The following ZFHX3 variants were observed in gnomAD, a reference collection of about 807,000 sequenced individuals.
ZFHX3 encodes the protein zinc finger homeobox protein 3.
Under a neutral mutation model 279.1 loss-of-function variants are expected in ZFHX3, and 42 were observed. The observed-to-expected ratio is 0.15, with a 90% CI of 0.12 to 0.19. The LOEUF (loss-of-function observed/expected upper bound fraction) is 0.19. Among genes scored for constraint, ZFHX3 ranks in the 10% least tolerant of loss-of-function variants. The probability of loss-of-function intolerance (pLI) is 1.00; values close to 1 mark genes in which losing one functional copy is unlikely to be tolerated. For synonymous variants in ZFHX3, 2,293 were observed against 1,957.8 expected, an observed-to-expected ratio of 1.17 and a Z score of -4.52; for missense variants, 4,981 against 4,754.0, an observed-to-expected ratio of 1.05 and a Z score of -1.40.
intron 2 of ZFHX3, among the ~76,000 whole-genome samples, chr16:73,479,035 G>C (rs2018818634): frequency 6.6e-6 from 1 of 152,120 alleles, no homozygotes; most frequent in African/African-American, 2.4e-5. Flanking sequence ...CTGGGCAAGA[G>C]AGCAAGACTC....
intron 2 of ZFHX3, among the ~76,000 whole-genome samples, chr16:73,514,907 T>C (rs2019493880): frequency 6.6e-6 from 1 of 152,190 alleles, no homozygotes; most frequent in Non-Finnish European, 1.5e-5. Context: ...CTCCCATCTT[T>C]TCCTCTCTCT....
intron 1 of ZFHX3, among the ~76,000 whole-genome samples, chr16:73,697,077 T>C (rs1370917038): frequency 6.6e-6 from 1 of 152,130 alleles, no homozygotes; most frequent in East Asian, 1.9e-4. Context: ...GTTGGAGAAA[T>C]TATAGAAATG....
chr16:73,198,267 C>G (rs536411256), intron 5 of ZFHX3, among the ~76,000 whole-genome samples: 4 of 151,344 alleles, frequency 2.6e-5, no homozygotes, highest in Non-Finnish European at 5.9e-5. Context: ...ATCATGTCAC[C>G]GTTATCACAA....
At chr16:73,684,695 C>CT (rs201167110) in intron 1 of ZFHX3, among the ~76,000 whole-genome samples, 314 of 137,458 alleles carry the variant, frequency 2.3e-3, no homozygotes, top group African/African-American at 8.3e-3. Context: ...CACAAGGGTC[C>CT]TTTTTTTTTT....
chr16:72,994,125 G>T (rs1963193258), intron 1 of ZFHX3, among the ~76,000 whole-genome samples: 1 of 152,172 alleles, frequency 6.6e-6, no homozygotes, highest in South Asian at 2.1e-4. Flanking sequence ...CAAGGACTTT[G>T]TGCCACACTG....
intron 1 of ZFHX3, among the ~76,000 whole-genome samples, chr16:73,720,200 G>C (rs2053460760): frequency 6.6e-6 from 1 of 152,220 alleles, no homozygotes; most frequent in Non-Finnish European, 1.5e-5. Context: ...TGGAAAAAGA[G>C]TTGTGGACAC....
In ZFHX3 at chr16:73,361,733, A is replaced by G. The variant is rs998244095; in HGVS notation, c.-1290-43397T>C. Among the ~76,000 whole-genome samples the G allele has an allele frequency of 5.3e-5, 8 of 152,296 alleles. 1 individual carries two copies. The highest frequency in any genetic ancestry group is 5.2e-4 in the Admixed American group (8 of 15,298). On this transcript the variant is annotated intron_variant, in intron 3 of 17. Transcript: ENST00000641206. ...GATTTTTAAAGAAACTTTCACATAC[A>G]CAAATATGTACTCATAGATAATATA...
At chr16:73,644,453 A>G (rs546468028) in intron 2 of ZFHX3, among the ~76,000 whole-genome samples, 2 of 152,192 alleles carry the variant, frequency 1.3e-5, no homozygotes, top group Admixed American at 6.5e-5. Flanking sequence ...TGAGGTCAGG[A>G]GTTCGAGACC....
chr16:72,824,878 G>A (rs541560072), intron 5 of ZFHX3, among the ~76,000 whole-genome samples: 20 of 152,304 alleles, frequency 1.3e-4, no homozygotes, highest in African/African-American at 4.3e-4. Context: ...AGAGAACAAG[G>A]GTCATTTTCA....
intron 4 of ZFHX3, among the ~76,000 whole-genome samples, chr16:72,837,830 C>A (rs1942075292): frequency 7.1e-6 from 1 of 141,374 alleles, no homozygotes; most frequent in African/African-American, 3.2e-5. Context: ...TCAAACTCCC[C>A]AGCTCAAGTG....
chr16:73,457,758 G>C (rs1396965352), intron 2 of ZFHX3, among the ~76,000 whole-genome samples: 2 of 152,222 alleles, frequency 1.3e-5, no homozygotes, highest in African/African-American at 4.8e-5. Context: ...CTGGGCAACA[G>C]AGCGAGACTC....
At chr16:73,546,671 T>TGC (rs2020113754) in intron 2 of ZFHX3, among the ~76,000 whole-genome samples, 28 of 143,412 alleles carry the variant, frequency 2.0e-4, no homozygotes, top group Admixed American at 5.6e-4. Context: ...GGTGCTGCTG[T>TGC]TGCTGCTGCT....
In ZFHX3 at chr16:72,957,707, G is replaced by A; in HGVS notation, c.2439C>T (p.Thr813=). ...GAATGCGGAGGTTCCTGGCCACGTTGGTCTCATAATCACACACCTCGCACC... is the reference window on the plus strand; with the variant it reads ...GAATGCGGAGGTTCCTGGCCACGTTAGTCTCATAATCACACACCTCGCACC... The part of the protein sequence containing the change: ...TWRCEVCDYE[T]NVARNLRIHM... The change falls in exon 2 of 10, where the codon ACC becomes ACT. Residue 813 remains threonine, a synonymous_variant. Transcript: ENST00000268489. 1.2e-6 allele frequency: 2 copies of A among 1,614,166 alleles called. No individual in the cohort carries two copies.
intron 3 of ZFHX3, among the ~76,000 whole-genome samples, chr16:72,936,666 G>T (rs1263582119): frequency 6.6e-6 from 1 of 152,176 alleles, no homozygotes; most frequent in Non-Finnish European, 1.5e-5. Flanking sequence ...GGGGGCAAAG[G>T]GGAGAGGGTT....
chr16:73,376,428 G>T (rs1441311951), intron 3 of ZFHX3, among the ~76,000 whole-genome samples: 1 of 152,104 alleles, frequency 6.6e-6, no homozygotes, highest in African/African-American at 2.4e-5. Flanking sequence ...GAATTTTTCA[G>T]CCATGTCAGC....
chr16:72,881,714 T>C (rs2038476611), intron 4 of ZFHX3, among the ~76,000 whole-genome samples: 2 of 152,116 alleles, frequency 1.3e-5, no homozygotes, highest in Admixed American at 6.5e-5. Flanking sequence ...TCTGCACACA[T>C]GGCAGGAGAC....
At chr16:73,817,163 C>T (rs1289686181) in intron 1 of ZFHX3, among the ~76,000 whole-genome samples, 3 of 152,240 alleles carry the variant, frequency 2.0e-5, no homozygotes, top group East Asian at 1.9e-4. Context: ...CATGCAGCCA[C>T]GTGCATTAGT....
At chr16:73,766,089 G>T (rs1316500924) in intron 1 of ZFHX3, among the ~76,000 whole-genome samples, 1 of 152,140 alleles carries the variant, frequency 6.6e-6, no homozygotes, top group East Asian at 1.9e-4. Context: ...GAAGAAAAGA[G>T]TTCTCCCAAT....
At chr16:73,869,307 A>T (rs1248169754) in intron 1 of ZFHX3, among the ~76,000 whole-genome samples, 1 of 152,242 alleles carries the variant, frequency 6.6e-6, no homozygotes, top group Non-Finnish European at 1.5e-5. Context: ...CTTGAAGAGT[A>T]AACACAGAGG....
Sources: allele counts gnomAD v4.1 joint callset (sites outside exome capture counted in the v4.1 genomes callset), GRCh38; gene constraint gnomAD v4.1.1; transcripts MANE v1.5; gene names NCBI Gene and HGNC (gene_info 2026-07-23, HGNC 2026-07-21).